Variants in STK33 observed in about 807,000 individuals in gnomAD.
The protein encoded by STK33 is serine/threonine kinase 33, also known as serine/threonine-protein kinase 33.
A neutral mutation model predicts 58.0 loss-of-function variants in STK33; 52 were observed. The ratio of observed to expected loss-of-function variants is 0.90; its 90% CI spans 0.72 to 1.13. STK33 has a LOEUF of 1.13. Ranked by LOEUF, STK33 falls within the 50% of genes most tolerant of loss-of-function variation. STK33 has a pLI of 0.00. For missense variants in STK33, 630 were observed against 604.2 expected (o/e 1.04, Z -0.45); for synonymous variants, 215 against 200.1 (o/e 1.07, Z -0.63).
chr11:8,544,435 T>C (rs970458286), intron 1 of STK33, among the ~76,000 whole-genome samples: 1 of 150,386 alleles, frequency 6.6e-6, no homozygotes, highest in African/African-American at 2.4e-5. Flanking sequence ...TAACAAATAC[T>C]TAGAAGAATA....
chr11:8,515,177 T>C (rs1014453484), intron 1 of STK33, among the ~76,000 whole-genome samples: 1 of 151,980 alleles, frequency 6.6e-6, no homozygotes, highest in Non-Finnish European at 1.5e-5. Flanking sequence ...AACTCTTAGC[T>C]ATACTAAGAA....
chr11:8,519,574 A>C (rs1953181366), intron 1 of STK33, among the ~76,000 whole-genome samples: 1 of 152,200 alleles, frequency 6.6e-6, no homozygotes, highest in African/African-American at 2.4e-5. Flanking sequence ...GGAAATGATA[A>C]ACAAAATTGA....
At chr11:8,451,053 A>T (rs1946212761) in intron 11 of STK33, among the ~76,000 whole-genome samples, 1 of 152,208 alleles carries the variant, frequency 6.6e-6, no homozygotes, top group Non-Finnish European at 1.5e-5. Context: ...AAGGACTAGA[A>T]CTGTATAATT....
the STK33 span, among the ~76,000 whole-genome samples, chr11:8,374,759 G>A: frequency 3.9e-5 from 6 of 152,274 alleles, no homozygotes; most frequent in East Asian, 7.7e-4. Flanking sequence ...TGATGTTCAC[G>A]CAGAGAGGTC....
At chr11:8,371,606 T>TC in the STK33 span, among the ~76,000 whole-genome samples, 31 of 149,160 alleles carry the variant, frequency 2.1e-4, no homozygotes, top group African/African-American at 6.2e-4. Context: ...TTCCTTTCTC[T>TC]TTCTTTCTCT....
chr11:8,491,599 TA>T (rs1443679827), intron 1 of STK33, among the ~76,000 whole-genome samples: 2 of 152,058 alleles, frequency 1.3e-5, no homozygotes. Context: ...GAGAACACCA[TA>T]AAGATATTCC....
At chr11:8,460,272 T>C (rs1947353595) in intron 8 of STK33, among the ~76,000 whole-genome samples, 1 of 151,874 alleles carries the variant, frequency 6.6e-6, no homozygotes, top group Admixed American at 6.6e-5. Flanking sequence ...TTGAAACTGA[T>C]CTAGAAATGA....
the STK33 span, among the ~76,000 whole-genome samples, chr11:8,375,587 A>G: frequency 1.3e-5 from 2 of 152,216 alleles, no homozygotes; most frequent in Non-Finnish European, 2.9e-5. Flanking sequence ...ACACGGTGCC[A>G]GCAGTGAGTT....
chr11:8,488,890 G>A (rs561555033), intron 1 of STK33, among the ~76,000 whole-genome samples: 31 of 152,320 alleles, frequency 2.0e-4, no homozygotes, highest in Non-Finnish European at 3.8e-4. Flanking sequence ...AGGCCCAAAT[G>A]TTGAACTTAC....
At position 8,392,664 on chromosome 11, in the gene STK33, A is replaced by G. The variant is rs1848732492; in HGVS notation, c.1391T>C (p.Phe464Ser). 1 of 1,614,114 alleles carries G rather than the reference A, an allele frequency of 6.2e-7. No homozygotes were observed. Among genetic ancestry groups the G allele is most frequent in the African/African-American group, 1.3e-5 (1 of 74,922 alleles). The change falls in exon 16 of 16, where the codon TTT becomes TCT. Residue 464 changes from phenylalanine to serine, a missense_variant. Coordinates refer to ENST00000687296, the MANE Select transcript of STK33 (RefSeq NM_001352389.2). The part of the protein sequence containing the change: ...KQFPATSKDN[F>S]DMCSSSFTSS... Reference sequence around the variant, plus strand: ...TGTGAAACTTGAACTGCACATATCAAAGTTGTCCTTACTGGTTGCAGGAAA... The same window carrying G: ...TGTGAAACTTGAACTGCACATATCAGAGTTGTCCTTACTGGTTGCAGGAAA...
the STK33 span, among the ~76,000 whole-genome samples, chr11:8,354,639 G>A: frequency 6.6e-6 from 1 of 152,188 alleles, no homozygotes; most frequent in Non-Finnish European, 1.5e-5. Context: ...CCACCCAGGG[G>A]CATGAAGAAA....
At chr11:8,357,977 G>T in the STK33 span, among the ~76,000 whole-genome samples, 1 of 152,202 alleles carries the variant, frequency 6.6e-6, no homozygotes, top group Non-Finnish European at 1.5e-5. Context: ...TTTAACAGGG[G>T]CTTGCCTGTA....
At chr11:8,336,039 T>C in the STK33 span, among the ~76,000 whole-genome samples, 4 of 152,186 alleles carry the variant, frequency 2.6e-5, no homozygotes, top group African/African-American at 9.6e-5. Flanking sequence ...CCCCCGACTC[T>C]AGCTCCCGGC....
intron 11 of STK33, among the ~76,000 whole-genome samples, chr11:8,445,274 T>G (rs1340404065): frequency 2.6e-5 from 4 of 152,220 alleles, no homozygotes; most frequent in Non-Finnish European, 4.4e-5. Flanking sequence ...TTAAGGAGAT[T>G]TGGGACTGAG....
chr11:8,574,119 C>T (rs1168151128), intron 1 of STK33, among the ~76,000 whole-genome samples: 2 of 152,168 alleles, frequency 1.3e-5, no homozygotes, highest in African/African-American at 2.4e-5. Flanking sequence ...TCCCCACTCA[C>T]CCCAGAGGAA....
At chr11:8,522,940 C>T (rs10160344) in intron 1 of STK33, among the ~76,000 whole-genome samples, 1,746 of 152,280 alleles carry the variant, frequency 0.011, 19 homozygotes, top group African/African-American at 0.038. Context: ...TGCAGGCGCG[C>T]GCCACCACGC....
chr11:8,448,982 A>G (rs952332315), intron 11 of STK33, among the ~76,000 whole-genome samples: 4 of 151,786 alleles, frequency 2.6e-5, no homozygotes, highest in African/African-American at 9.8e-5. Context: ...GGAAATGAAC[A>G]GACACTTCTC....
chr11:8,399,634 A>G (rs1455765333), intron 15 of STK33, among the ~76,000 whole-genome samples: 1 of 152,220 alleles, frequency 6.6e-6, no homozygotes, highest in Non-Finnish European at 1.5e-5. Context: ...GAACTGAAGG[A>G]AAAAGATACA....
chr11:8,471,249 T>C lies in STK33; in HGVS notation c.339+1914A>G, dbSNP rs541904933. Among the ~76,000 whole-genome samples the C allele has an allele frequency of 8.5e-5, 13 of 152,360 alleles. No individual in the cohort carries two copies. In the South Asian group the frequency reaches 2.7e-3, roughly 32 times the overall value. On this transcript the variant is annotated intron_variant, in intron 6 of 15. Transcript: ENST00000687296. The stretch of plus-strand genomic sequence containing the variant: ...ACAATTTGAAGACAGTATTCAATAC[T>C]GTTTAAATAGGAATTCTAAAATGAG...
Sources: gnomAD v4.1 joint callset for allele counts (sites outside exome capture counted in the v4.1 genomes callset) on GRCh38, gnomAD v4.1.1 for gene constraint, MANE v1.5 for transcripts, NCBI Gene and HGNC (gene_info 2026-07-23, HGNC 2026-07-21) for gene names.